TRIM5: variants seen among roughly 807,000 people sequenced by gnomAD.
The protein encoded by TRIM5 is tripartite motif-containing protein 5.
In TRIM5, 31 loss-of-function variants were observed where a neutral mutation model predicts 35.6. The ratio of observed to expected loss-of-function variants is 0.87; its 90% CI spans 0.65 to 1.18. TRIM5 has a LOEUF of 1.18. Among genes scored for constraint, TRIM5 ranks in the 50% most tolerant of loss-of-function variants. TRIM5 has a pLI of 0.00. For missense variants in TRIM5, 609 were observed against 591.6 expected (o/e 1.03, Z -0.31); for synonymous variants, 243 against 215.6 (o/e 1.13, Z -1.11).
rs555300976 is a variant in TRIM5 at position 5,672,796 on chromosome 11, G to A, written c.745-5085C>T. ...AATGATAACCAAAGATGAAGAAAAT[G>A]AAGCAATATTGAAGGGAAGTTTCTG... is the stretch of plus-strand genomic sequence containing the variant. On this transcript the variant is annotated intron_variant, in intron 4 of 7. Transcript: ENST00000380034. 5.3e-5 allele frequency among the ~76,000 whole-genome samples: 8 copies of A among 152,252 alleles called. No individual in the cohort carries two copies. In the South Asian group the frequency reaches 8.3e-4, roughly 16 times the overall value.
the TRIM5 span, among the ~76,000 whole-genome samples, chr11:5,630,803 T>G: frequency 4.6e-5 from 7 of 152,370 alleles, no homozygotes; most frequent in East Asian, 1.3e-3. Context: ...TATAATTAGC[T>G]TCTATCTTCT....
the TRIM5 span, among the ~76,000 whole-genome samples, chr11:5,592,138 C>T: frequency 6.6e-6 from 1 of 152,066 alleles, no homozygotes; most frequent in African/African-American, 2.4e-5. Context: ...AAGAAACAAA[C>T]AAAAAGCTAT....
At chr11:5,666,135 G>T in intron 5 of TRIM5, 54 bp from the exon 6 acceptor site, 1 of 1,451,762 alleles carries the variant, frequency 6.9e-7, no homozygotes, top group Non-Finnish European at 9.4e-7. Flanking sequence ...TTGTGTCCGT[G>T]GAACACCCCT....
chr11:5,666,526 G>C (rs1002257475), intron 5 of TRIM5, among the ~76,000 whole-genome samples: 1 of 152,212 alleles, frequency 6.6e-6, no homozygotes, highest in African/African-American at 2.4e-5. Context: ...GCAGAACCTG[G>C]CTCCTGGGTG....
chr11:5,662,214 T>A (rs1850853010), downstream of TRIM5, among the ~76,000 whole-genome samples: 1 of 152,120 alleles, frequency 6.6e-6, no homozygotes, highest in South Asian at 2.1e-4. Context: ...ACCTTAAAAT[T>A]TCTGTGGGGA....
the TRIM5 span, among the ~76,000 whole-genome samples, chr11:5,607,765 A>G: frequency 1.3e-5 from 2 of 152,210 alleles, no homozygotes; most frequent in African/African-American, 4.8e-5. Flanking sequence ...GGGAGACAAG[A>G]GTTGCCGAAC....
the TRIM5 span, among the ~76,000 whole-genome samples, chr11:5,598,959 G>A: frequency 1.3e-5 from 2 of 152,102 alleles, no homozygotes; most frequent in African/African-American, 2.4e-5. Flanking sequence ...GCCCTTTGCA[G>A]TTCAAACTTT....
the TRIM5 span, chr11:5,632,294 C>T: frequency 6.2e-7 from 1 of 1,613,552 alleles, no homozygotes; most frequent in South Asian, 1.1e-5. Flanking sequence ...AGGAGAGCCT[C>T]AGGAGTTAGG....
At chr11:5,612,660 T>C in the TRIM5 span, 1 of 152,178 alleles carries the variant, frequency 6.6e-6, no homozygotes, top group Admixed American at 6.5e-5. Context: ...AATATGTTTT[T>C]TGAACCAGCT....
chr11:5,677,753 T>C (rs1056928052), intron 4 of TRIM5, among the ~76,000 whole-genome samples: 4 of 152,052 alleles, frequency 2.6e-5, no homozygotes, highest in Non-Finnish European at 4.4e-5. Flanking sequence ...CTATTGAGCA[T>C]ATAAAGAAGA....
chr11:5,607,156 A>G, the TRIM5 span, among the ~76,000 whole-genome samples: 1 of 152,150 alleles, frequency 6.6e-6, no homozygotes, highest in Non-Finnish European at 1.5e-5. Context: ...GTGAGCCGAG[A>G]TCGCACCACT....
chr11:5,673,921 T>A (rs1851749720), intron 4 of TRIM5, among the ~76,000 whole-genome samples: 1 of 151,920 alleles, frequency 6.6e-6, no homozygotes, highest in African/African-American at 2.4e-5. Flanking sequence ...AATTCATTTA[T>A]TAAACACTAT....
chr11:5,604,781 CAG>C, the TRIM5 span: 432 of 723,120 alleles, frequency 6.0e-4, no homozygotes, highest in Non-Finnish European at 6.5e-4. Context: ...TCCTTCCAAA[CAG>C]GGGGAGGAGA....
Position 5,664,708 on chromosome 11 carries a change from A to T in TRIM5, c.*101T>A. ...ACGTTCAAATAGAAAGAAGGGAGAC[A>T]GCAAGGAAAAGATGGTTAAAATGAT... On this transcript the variant is annotated 3_prime_UTR_variant, in exon 8 of 8. Transcript: ENST00000380034. 6.7e-7 allele frequency: 1 copy of T among 1,483,366 alleles called. No homozygotes were observed. The allele number at this position is 1,483,366 out of a possible 1,614,324, so 91.9% of individuals were successfully genotyped here.
the TRIM5 span, chr11:5,642,277 T>TC: frequency 2.7e-6 from 2 of 733,474 alleles, no homozygotes; most frequent in Non-Finnish European, 4.4e-6. Flanking sequence ...CTCTCCCTTC[T>TC]CCCCCTCCTC....
At chr11:5,644,250 T>C in the TRIM5 span, 3 of 398,866 alleles carry the variant, frequency 7.5e-6, no homozygotes, top group Non-Finnish European at 1.3e-5. Context: ...ATGAATACTT[T>C]CTCAGTTTCT....
chr11:5,622,316 G>T, the TRIM5 span, among the ~76,000 whole-genome samples: 1 of 152,072 alleles, frequency 6.6e-6, no homozygotes, highest in Non-Finnish European at 1.5e-5. Context: ...GTTGTGGCAG[G>T]TGCCTGTAGT....
At chr11:5,638,565 G>C in the TRIM5 span, among the ~76,000 whole-genome samples, 47 of 152,192 alleles carry the variant, frequency 3.1e-4, no homozygotes, top group Non-Finnish European at 4.6e-4. Flanking sequence ...TGATGATGGG[G>C]GAATGCAGAT....
the TRIM5 span, among the ~76,000 whole-genome samples, chr11:5,588,734 G>A: frequency 7.9e-5 from 12 of 151,586 alleles, no homozygotes; most frequent in Non-Finnish European, 8.8e-5. Context: ...CAATCCTAGG[G>A]TGTATGTTCC....
Sources: gnomAD v4.1 joint callset for allele counts (sites outside exome capture counted in the v4.1 genomes callset) on GRCh38, gnomAD v4.1.1 for gene constraint, MANE v1.5 for transcripts, NCBI Gene and HGNC (gene_info 2026-07-23, HGNC 2026-07-21) for gene names.